The following IQCB1 variants were observed in gnomAD, a reference collection of about 807,000 sequenced individuals.
IQCB1 encodes the protein IQ calmodulin-binding motif-containing protein 1.
A neutral mutation model predicts 84.4 loss-of-function variants in IQCB1; 56 were observed. The ratio of observed to expected loss-of-function variants is 0.66; its 90% CI spans 0.54 to 0.83. IQCB1 has a LOEUF of 0.83. Ranked by LOEUF, IQCB1 falls within the 40% of genes least tolerant of loss-of-function variation. IQCB1 has a pLI of 0.00. For missense variants in IQCB1, 629 were observed against 682.1 expected (o/e 0.92, Z 0.87); for synonymous variants, 210 against 234.8 (o/e 0.89, Z 0.96).
In IQCB1 at chr3:121,828,451, A is replaced by G. The variant is rs763608529; in HGVS notation, c.263+19T>C. 6.2e-7 allele frequency: 1 copy of G among 1,603,126 alleles called. No homozygotes were observed. The highest frequency in any genetic ancestry group is 1.1e-5 in the South Asian group (1 of 90,860). ...CTACTACATCCCTCAAGAACAGCTG[A>G]CTTACTGCTTTATTTTACCTTAATA... On this transcript the variant is annotated intron_variant, in intron 4 of 14. Transcript: ENST00000310864.
chr3:121,821,037 C>T (rs932696098), intron 5 of IQCB1, among the ~76,000 whole-genome samples: 4 of 151,380 alleles, frequency 2.6e-5, no homozygotes, highest in African/African-American at 4.9e-5. Flanking sequence ...GTTGCCAAAG[C>T]TGGTGTGCGG....
chr3:121,782,828 C>A (rs1257662295), intron 12 of IQCB1, among the ~76,000 whole-genome samples: 1 of 152,102 alleles, frequency 6.6e-6, no homozygotes. Context: ...TACAGGCATG[C>A]ACCACCACGC....
chr3:121,799,188 T>C lies in IQCB1; in HGVS notation c.766+8A>G, dbSNP rs1949312275. 7 of 1,595,520 alleles carry C rather than the reference T, an allele frequency of 4.4e-6. No individual in the cohort carries two copies. Among genetic ancestry groups the C allele is most frequent in the Non-Finnish European group, 6.0e-6 (7 of 1,166,202 alleles). ...GAATCCCAAGAAAAGAAAGAATGAA[T>C]GTACTACCTTTGTAGCAGGTACTTT... On this transcript the variant is annotated splice_region_variant and intron_variant, in intron 8 of 14. Transcript: ENST00000310864.
intron 10 of IQCB1, among the ~76,000 whole-genome samples, chr3:121,791,562 T>A (rs1948974456): frequency 6.6e-6 from 1 of 152,180 alleles, no homozygotes; most frequent in South Asian, 2.1e-4. Context: ...CTAGGGCTAG[T>A]TGAATAGTTC....
At chr3:121,832,541 G>A (rs1950682643) in intron 2 of IQCB1, among the ~76,000 whole-genome samples, 2 of 152,004 alleles carry the variant, frequency 1.3e-5, no homozygotes, top group Non-Finnish European at 2.9e-5. Context: ...TGGCCAGGCT[G>A]GTCTTGAACT....
At chr3:121,774,065 AC>A (rs1212693946) in intron 13 of IQCB1, among the ~76,000 whole-genome samples, 1 of 141,086 alleles carries the variant, frequency 7.1e-6, no homozygotes, top group African/African-American at 2.6e-5. Flanking sequence ...TCTACAAAAA[AC>A]AACCTGATTA....
chr3:121,790,604 A>G (rs1357083905), intron 10 of IQCB1, among the ~76,000 whole-genome samples: 7 of 152,206 alleles, frequency 4.6e-5, no homozygotes, highest in Admixed American at 4.6e-4. Flanking sequence ...CGAGTTGGAT[A>G]AACAGATACT....
intron 7 of IQCB1, 41 bp downstream of exon 7, chr3:121,807,303 G>T: frequency 1.0e-6 from 1 of 985,066 alleles, no homozygotes; most frequent in Non-Finnish European, 1.6e-6. Flanking sequence ...TAATGCTTCT[G>T]ATAAAAAAAA....
At chr3:121,826,871 CTCAAACCCAAGAATGG>C (rs1379391098) in intron 4 of IQCB1, among the ~76,000 whole-genome samples, 1 of 152,034 alleles carries the variant, frequency 6.6e-6, no homozygotes, top group Non-Finnish European at 1.5e-5. Flanking sequence ...TCAAAAGAGC[CTCAAACCCAAGAATGG>C]TCTCTATGTG....
At chr3:121,833,591 A>C (rs1392875405) in intron 2 of IQCB1, among the ~76,000 whole-genome samples, 1 of 152,234 alleles carries the variant, frequency 6.6e-6, no homozygotes, top group African/African-American at 2.4e-5. Flanking sequence ...ACTCTCTGCT[A>C]TTGTTCTGGT....
intron 2 of IQCB1, among the ~76,000 whole-genome samples, chr3:121,830,629 T>G (rs530251753): frequency 6.6e-6 from 1 of 152,334 alleles, no homozygotes; most frequent in Admixed American, 6.5e-5. Flanking sequence ...ATATATGTTT[T>G]TGTCCACAGT....
Position 121,779,514 on chromosome 3 carries a change from C to A in IQCB1, c.1410+2229G>T, listed in dbSNP as rs145615586. Among the ~76,000 whole-genome samples the A allele has an allele frequency of 2.5e-4, 38 of 152,046 alleles. No individual in the cohort carries two copies. The East Asian group carries it at 6.8e-3, about 27-fold the overall frequency. ...ATTTTTTTTTACATTTTTCATCTTT[C>A]TACTTGACTTTTTGAACATATAAAA... On this transcript the variant is annotated intron_variant, in intron 13 of 14. Transcript: ENST00000310864.
chr3:121,810,020 T>C (rs1432699845), intron 5 of IQCB1, among the ~76,000 whole-genome samples: 2 of 151,618 alleles, frequency 1.3e-5, no homozygotes, highest in African/African-American at 2.4e-5. Flanking sequence ...GAAGCTACCT[T>C]TGCCAGAGTT....
chr3:121,776,621 G>C (rs925211491), intron 13 of IQCB1, among the ~76,000 whole-genome samples: 1 of 151,952 alleles, frequency 6.6e-6, no homozygotes, highest in Non-Finnish European at 1.5e-5. Flanking sequence ...TGTTACCCAG[G>C]CTGGTCTCAA....
intron 12 of IQCB1, among the ~76,000 whole-genome samples, chr3:121,785,800 A>G (rs1553710618): frequency 6.6e-6 from 1 of 152,174 alleles, no homozygotes; most frequent in Non-Finnish European, 1.5e-5. Flanking sequence ...CTACATGTCA[A>G]GTTCTCCATA....
chr3:121,818,020 A>G (rs974590666), intron 5 of IQCB1, among the ~76,000 whole-genome samples: 3 of 152,192 alleles, frequency 2.0e-5, no homozygotes, highest in African/African-American at 7.2e-5. Flanking sequence ...CTCCAGAACT[A>G]TAAGAAATAA....
chr3:121,771,399 G>T (rs1209701550), intron 14 of IQCB1, among the ~76,000 whole-genome samples: 2 of 151,366 alleles, frequency 1.3e-5, no homozygotes, highest in African/African-American at 4.9e-5. Context: ...CGCGATCTCT[G>T]CTTACTACAA....
At chr3:121,784,706 G>A (rs188448534) in intron 12 of IQCB1, among the ~76,000 whole-genome samples, 46 of 152,230 alleles carry the variant, frequency 3.0e-4, no homozygotes, top group African/African-American at 1.1e-3. Context: ...TTCTAAGACA[G>A]GGTCTCACTC....
At chr3:121,809,046 A>T in intron 5 of IQCB1, 37 bp from the exon 6 acceptor site, 2 of 1,233,758 alleles carry the variant, frequency 1.6e-6, no homozygotes, top group Admixed American at 2.0e-5. Flanking sequence ...ACTTTTCTAT[A>T]GTTTTTTTCC....
Sources: gnomAD v4.1 joint callset for allele counts (sites outside exome capture counted in the v4.1 genomes callset) on GRCh38, gnomAD v4.1.1 for gene constraint, MANE v1.5 for transcripts, NCBI Gene and HGNC (gene_info 2026-07-23, HGNC 2026-07-21) for gene names.